Variants in PIK3C2G observed in about 807,000 individuals in gnomAD.
The protein encoded by PIK3C2G is phosphatidylinositol-4-phosphate 3-kinase catalytic subunit type 2 gamma.
Under a neutral mutation model 181.1 loss-of-function variants are expected in PIK3C2G, and 168 were observed. That is an observed-to-expected ratio of 0.93 (90% CI 0.82 to 1.05). PIK3C2G has a LOEUF of 1.05. Among genes scored for constraint, PIK3C2G ranks in the 50% least tolerant of loss-of-function variants. PIK3C2G has a pLI of 0.00. For missense variants in PIK3C2G, 1,869 were observed against 1,732.8 expected (o/e 1.08, Z -1.40); for synonymous variants, 573 against 592.2 (o/e 0.97, Z 0.47).
chr12:18,561,022 A>G (rs1264809068), intron 26 of PIK3C2G, among the ~76,000 whole-genome samples: 3 of 152,226 alleles, frequency 2.0e-5, no homozygotes, highest in African/African-American at 7.2e-5. Context: ...TAATGATGTT[A>G]TATCAAGGCA....
chr12:18,580,255 T>G (rs2136419699), intron 29 of PIK3C2G, among the ~76,000 whole-genome samples: 1 of 152,344 alleles, frequency 6.6e-6, no homozygotes, highest in East Asian at 1.9e-4. Flanking sequence ...CAAACAGCTG[T>G]TGTTTTTAAA....
chr12:18,508,772 C>A (rs1490932154), intron 24 of PIK3C2G, among the ~76,000 whole-genome samples: 1 of 151,944 alleles, frequency 6.6e-6, no homozygotes, highest in East Asian at 1.9e-4. Context: ...TTAATAACAC[C>A]CCCCATAATA....
chr12:18,471,552 T>C (rs187432756), intron 18 of PIK3C2G, among the ~76,000 whole-genome samples: 70 of 152,292 alleles, frequency 4.6e-4, no homozygotes, highest in Admixed American at 9.2e-4. Flanking sequence ...CCTTGGCTTA[T>C]GACAGTCTTA....
chr12:18,619,793 C>T (rs1240029602), intron 31 of PIK3C2G, among the ~76,000 whole-genome samples: 4 of 149,524 alleles, frequency 2.7e-5, no homozygotes, highest in Non-Finnish European at 4.4e-5. Context: ...GGCGCGATCT[C>T]GGCTCACTGC....
intron 13 of PIK3C2G, among the ~76,000 whole-genome samples, chr12:18,371,975 A>T (rs979273993): frequency 6.6e-6 from 1 of 152,178 alleles, no homozygotes; most frequent in African/African-American, 2.4e-5. Context: ...GATAAAATTC[A>T]GGACTTTCAA....
At chr12:18,337,275 A>T (rs1047806903) in intron 8 of PIK3C2G, among the ~76,000 whole-genome samples, 1 of 152,160 alleles carries the variant, frequency 6.6e-6, no homozygotes, top group African/African-American at 2.4e-5. Flanking sequence ...AAGATTTTTT[A>T]AAATAAATGC....
intron 11 of PIK3C2G, among the ~76,000 whole-genome samples, chr12:18,353,409 AG>A (rs1190169178): frequency 1.3e-5 from 2 of 152,230 alleles, no homozygotes; most frequent in Non-Finnish European, 2.9e-5. Flanking sequence ...GATTACAGAA[AG>A]AAGAAATGAA....
chr12:18,476,514 G>T (rs757793826), intron 18 of PIK3C2G, among the ~76,000 whole-genome samples: 4 of 151,946 alleles, frequency 2.6e-5, no homozygotes, highest in African/African-American at 9.7e-5. Flanking sequence ...AAGAGAGGGC[G>T]GGAAAAAATT....
At chr12:18,461,654 G>A (rs1947925350) in intron 18 of PIK3C2G, among the ~76,000 whole-genome samples, 1 of 152,078 alleles carries the variant, frequency 6.6e-6, no homozygotes, top group South Asian at 2.1e-4. Context: ...TGAGATAATT[G>A]AAATTAGTTG....
chr12:18,374,369 G>A (rs1942288544), intron 13 of PIK3C2G, among the ~76,000 whole-genome samples: 1 of 152,104 alleles, frequency 6.6e-6, no homozygotes, highest in South Asian at 2.1e-4. Flanking sequence ...AGTCATTTCA[G>A]ATGTATCTTC....
At chr12:18,659,624 G>T in the PIK3C2G span, among the ~76,000 whole-genome samples, 3 of 149,760 alleles carry the variant, frequency 2.0e-5, no homozygotes, top group East Asian at 5.9e-4. Flanking sequence ...TACGTGTCAG[G>T]CCTCTTAAGT....
chr12:18,290,821 G>C, intron 3 of PIK3C2G, 34 bp from the exon 4 acceptor site: 1 of 1,407,182 alleles, frequency 7.1e-7, no homozygotes, highest in Middle Eastern at 2.1e-4. Flanking sequence ...TGCAGGTCTT[G>C]TCCTAAGTAT....
At chr12:18,603,945 T>C (rs960891847) in intron 30 of PIK3C2G, among the ~76,000 whole-genome samples, 2 of 151,862 alleles carry the variant, frequency 1.3e-5, no homozygotes, top group African/African-American at 2.4e-5. Flanking sequence ...ACAGGACTTA[T>C]GAAACAAAAA....
intron 18 of PIK3C2G, among the ~76,000 whole-genome samples, chr12:18,474,111 G>C (rs1938732147): frequency 6.6e-6 from 1 of 151,346 alleles, no homozygotes; most frequent in South Asian, 2.1e-4. Context: ...TTATTGAGCA[G>C]ATATTAATAT....
At chr12:18,325,706 C>CAAA (rs34711642) in intron 8 of PIK3C2G, among the ~76,000 whole-genome samples, 13 of 61,578 alleles carry the variant, frequency 2.1e-4, no homozygotes, top group African/African-American at 5.0e-4. Context: ...GACTCAGTCT[C>CAAA]AAAAAAAAAA....
intron 8 of PIK3C2G, among the ~76,000 whole-genome samples, chr12:18,328,335 T>C (rs75726981): frequency 0.031 from 4,767 of 152,022 alleles, 254 homozygotes; most frequent in African/African-American, 0.11. Flanking sequence ...AAAATAATCT[T>C]ATTTAACACT....
rs574148488 is a variant in PIK3C2G, at chr12:18,248,447, G to GC, written c.-79+366dup. Among the ~76,000 whole-genome samples, 185 of 151,998 alleles carry GC rather than the reference G, an allele frequency of 1.2e-3. 1 individual carries two copies. Among genetic ancestry groups the GC allele is most frequent in the Non-Finnish European group, 2.2e-3 (151 of 67,960 alleles). ...AAAATTAGCCGGCGAGGTGGCGGGC[G>GC]CTGTAGTCCCAGCTACTCGGGAGGC... On this transcript the variant is annotated intron_variant, in intron 1 of 11. Transcript: ENST00000535651.
At position 18,325,210 on chromosome 12, in the gene PIK3C2G, A is replaced by C. The variant is rs1951285662; in HGVS notation, c.1272+112A>C. 5 of 629,708 alleles carry C rather than the reference A, an allele frequency of 7.9e-6. No homozygotes were observed. The South Asian group carries it at 8.0e-5, about 10-fold the overall frequency. 39.0% of individuals were successfully genotyped at this position (629,708 alleles called of 1,614,324 possible). On this transcript the variant is annotated intron_variant, in intron 8 of 32. Coordinates refer to ENST00000538779, the MANE Select transcript of PIK3C2G (RefSeq NM_001288772.2). ...ATGACAAAAATGAATAAAACAGAGG[A>C]TCTACACTTGAAAGGCTTTCATTTC...
chr12:18,707,213 T>C, the PIK3C2G span, among the ~76,000 whole-genome samples: 4 of 152,290 alleles, frequency 2.6e-5, no homozygotes, highest in East Asian at 7.7e-4. Context: ...ATTTACAAGT[T>C]CCAGGAATTA....
Sources: allele counts gnomAD v4.1 joint callset (sites outside exome capture counted in the v4.1 genomes callset), GRCh38; gene constraint gnomAD v4.1.1; transcripts MANE v1.5; gene names NCBI Gene and HGNC (gene_info 2026-07-23, HGNC 2026-07-21).